ANGPTL2: variants seen among roughly 807,000 people sequenced by gnomAD.
ANGPTL2 encodes the protein angiopoietin-related protein 2.
Under a neutral mutation model 52.8 loss-of-function variants are expected in ANGPTL2, and 25 were observed. The ratio of observed to expected loss-of-function variants is 0.47; its 90% CI spans 0.35 to 0.66. The LOEUF is 0.66. Among genes scored for constraint, ANGPTL2 ranks in the 30% least tolerant of loss-of-function variants. ANGPTL2 has a pLI of 0.01. For synonymous variants in ANGPTL2, 276 were observed against 277.4 expected (o/e 1.00, Z 0.05); for missense variants, 546 against 656.9 (o/e 0.83, Z 1.84).
intron 1 of ANGPTL2, among the ~76,000 whole-genome samples, chr9:127,113,491 G>A (rs2055067819): frequency 6.6e-6 from 1 of 151,704 alleles, no homozygotes; most frequent in Non-Finnish European, 1.5e-5. Context: ...TATCTCAAGA[G>A]AAGTAACACC....
In ANGPTL2 at chr9:127,091,984, C is replaced by G; in HGVS notation, c.1012-44G>C. The G allele has an allele frequency of 6.3e-7, 1 of 1,595,656 alleles. No homozygotes were observed. The highest frequency in any genetic ancestry group is 8.6e-7 in the Non-Finnish European group (1 of 1,169,090). On this transcript the variant is annotated intron_variant, in intron 3 of 4. Transcript: ENST00000373425. This position sits in a 1 kb window ranked among gnomAD's most constrained non-coding sequence, Gnocchi z 4.3. ...AGTGTTAATGTGGAGCCTGCAGCAC[C>G]TGCAGCCAGCAGGCTTGGCTGTCAG...
intron 1 of ANGPTL2, among the ~76,000 whole-genome samples, chr9:127,111,690 G>C (rs930051589): frequency 2.6e-5 from 4 of 152,166 alleles, no homozygotes; most frequent in Admixed American, 2.6e-4. Flanking sequence ...CCAGTTTCCC[G>C]TGTTCTCATA....
Position 127,088,408 on chromosome 9 carries a change from C to G in ANGPTL2, c.*531G>C, listed in dbSNP as rs1403230641. The stretch of plus-strand genomic sequence containing the variant: ...CAGTTGAGACCACACAGTCTGTGAT[C>G]TACCCTTAGACTCAAGTAATACAAC... On this transcript the variant is annotated 3_prime_UTR_variant, in exon 5 of 5. Transcript: ENST00000373425. The G allele has an allele frequency of 1.3e-5, 2 of 158,748 alleles. No homozygotes were observed. Among genetic ancestry groups the G allele is most frequent in the African/African-American group, 4.8e-5 (2 of 41,488 alleles). The allele number at this position is 158,748 out of a possible 1,614,324, so 9.8% of individuals were successfully genotyped here.
chr9:127,089,283 G>A, intron 4 of ANGPTL2, 145 bp from the exon 5 acceptor site: 1 of 796,840 alleles, frequency 1.3e-6, no homozygotes, highest in South Asian at 1.7e-5. Context: ...CATGGGTGGT[G>A]AGAGGCCATG....
At chr9:127,102,827 G>C (rs930977830) in intron 2 of ANGPTL2, among the ~76,000 whole-genome samples, 1 of 152,216 alleles carries the variant, frequency 6.6e-6, no homozygotes, top group African/African-American at 2.4e-5. Flanking sequence ...GGATTATGTA[G>C]TTTGTACTGA....
rs759533136 is a variant in ANGPTL2, at chr9:127,108,699, G to A, written c.33C>T (p.Leu11=). The A allele has an allele frequency of 1.6e-5, 25 of 1,612,520 alleles. No individual in the cohort carries two copies. Among genetic ancestry groups the A allele is most frequent in the Middle Eastern group, 3.5e-4 (2 of 5,714 alleles). The change falls in exon 2 of 5, where the codon CTC becomes CTT. Residue 11 remains leucine, a synonymous_variant. Coordinates refer to ENST00000373425, the MANE Select transcript of ANGPTL2 (RefSeq NM_012098.3). MRPLCVTCWW[L]GLLAAMGAVA... ...CAGCTCCCATGGCAGCCAGCAGTCC[G>A]AGCCACCAGCATGTCACGCACAGTG...
chr9:127,108,417 C>T lies in ANGPTL2; in HGVS notation c.315G>A (p.Thr105=), dbSNP rs372964468. ...CGTCCACCTCCACCAGCTGCTGCAG[C>T]GTCTCGATCTGCCGCTTCTGCTTGA... The part of the protein sequence containing the change: ...ELLKQKRQIE[T]LQQLVEVDGG... The change falls in exon 2 of 5, where the codon ACG becomes ACA. Residue 105 remains threonine, a synonymous_variant. Transcript: ENST00000373425. The T allele has an allele frequency of 1.1e-4, 177 of 1,608,332 alleles. No homozygotes were observed. The highest frequency in any genetic ancestry group is 1.4e-4 in the Non-Finnish European group (160 of 1,178,488).
chr9:127,108,992 G>C (rs540708016), intron 1 of ANGPTL2, among the ~76,000 whole-genome samples: 9 of 152,234 alleles, frequency 5.9e-5, no homozygotes, highest in Non-Finnish European at 1.0e-4. Context: ...GAAGGGAAGA[G>C]GGAGGGTCTC....
In ANGPTL2 at chr9:127,088,852, G is replaced by A. The variant is rs2052086941; in HGVS notation, c.*87C>T. The A allele has an allele frequency of 6.8e-7, 1 of 1,472,574 alleles. No homozygotes were observed. The highest frequency in any genetic ancestry group is 9.5e-7 in the Non-Finnish European group (1 of 1,056,710). The allele number at this position is 1,472,574 out of a possible 1,614,324, so 91.2% of individuals were successfully genotyped here. On this transcript the variant is annotated 3_prime_UTR_variant, in exon 5 of 5. Coordinates refer to ENST00000373425, the MANE Select transcript of ANGPTL2 (RefSeq NM_012098.3). ...GGTCCTCCCAGCCTCAGGATGAACTGGTGAGGAGTTGTTCTTTGTGCTGTG... is the reference window on the plus strand; with the variant it reads ...GGTCCTCCCAGCCTCAGGATGAACTAGTGAGGAGTTGTTCTTTGTGCTGTG...
chr9:127,104,241 C>T (rs1222421553), intron 2 of ANGPTL2, among the ~76,000 whole-genome samples: 1 of 152,180 alleles, frequency 6.6e-6, no homozygotes, highest in East Asian at 1.9e-4. Flanking sequence ...TCTGACAAAG[C>T]CCGTCTGTGG....
intron 2 of ANGPTL2, among the ~76,000 whole-genome samples, chr9:127,104,833 A>G (rs1484958074): frequency 1.3e-5 from 2 of 152,234 alleles, no homozygotes; most frequent in Non-Finnish European, 2.9e-5. Flanking sequence ...GTTTAATTGC[A>G]AAGGTATTTC....
chr9:127,119,395 G>A (rs757748913), intron 1 of ANGPTL2, among the ~76,000 whole-genome samples: 3 of 152,208 alleles, frequency 2.0e-5, no homozygotes, highest in Non-Finnish European at 4.4e-5. Context: ...CAGGGACCCA[G>A]TGACAGTCAG....
chr9:127,121,779 C>T (rs2056115556), intron 1 of ANGPTL2, among the ~76,000 whole-genome samples: 1 of 152,184 alleles, frequency 6.6e-6, no homozygotes, highest in African/African-American at 2.4e-5. Context: ...GCTCTCCTCG[C>T]CAGCTGGAGG....
chr9:127,106,216 T>C (rs918482714), intron 2 of ANGPTL2, among the ~76,000 whole-genome samples: 2 of 151,920 alleles, frequency 1.3e-5, no homozygotes, highest in African/African-American at 4.8e-5. Context: ...CCAGTCAGGG[T>C]TATAACAACA....
chr9:127,121,165 A>G (rs747345685), intron 1 of ANGPTL2, among the ~76,000 whole-genome samples: 27 of 152,236 alleles, frequency 1.8e-4, no homozygotes, highest in Non-Finnish European at 2.8e-4. Context: ...TGAGGATTCT[A>G]CAAGTTGAGT....
chr9:127,119,339 C>T (rs754568913), intron 1 of ANGPTL2, among the ~76,000 whole-genome samples: 1 of 152,292 alleles, frequency 6.6e-6, no homozygotes, highest in East Asian at 1.9e-4. Context: ...GTGCAGCATT[C>T]GATAGGACAG....
At chr9:127,101,193 T>C (rs187186147) in intron 2 of ANGPTL2, among the ~76,000 whole-genome samples, 119 of 152,386 alleles carry the variant, frequency 7.8e-4, no homozygotes, top group African/African-American at 2.8e-3. Context: ...GTGATGATCA[T>C]GTATCTAGAG....
intron 1 of ANGPTL2, among the ~76,000 whole-genome samples, chr9:127,111,578 G>C (rs967125501): frequency 7.9e-5 from 12 of 152,252 alleles, no homozygotes; most frequent in Admixed American, 7.9e-4. Context: ...GAGGAGGTCA[G>C]AGCTGCGCAG....
intron 1 of ANGPTL2, among the ~76,000 whole-genome samples, chr9:127,121,143 A>G (rs1328123636): frequency 1.3e-5 from 2 of 152,202 alleles, no homozygotes; most frequent in Admixed American, 6.5e-5. Context: ...TGCCTGTGCT[A>G]TAGGGTGGTC....
Sources: gnomAD v4.1 joint callset for allele counts (sites outside exome capture counted in the v4.1 genomes callset) on GRCh38, gnomAD v4.1.1 for gene constraint, Gnocchi (gnomAD v3.1) non-coding constraint, MANE v1.5 for transcripts, NCBI Gene and HGNC (gene_info 2026-07-23, HGNC 2026-07-21) for gene names.